Variants in PCARE observed in about 807,000 individuals in gnomAD.
The protein encoded by PCARE is photoreceptor cilium actin regulator, also known as uncharacterized protein C2orf71.
In PCARE, 72 loss-of-function variants were observed where a neutral mutation model predicts 82.2. The observed-to-expected ratio is 0.88, with a 90% CI of 0.72 to 1.07. The LOEUF (loss-of-function observed/expected upper bound fraction) is 1.07, where lower values mean the gene tolerates loss of function less well. Ranked by LOEUF, PCARE falls within the 50% of genes least tolerant of loss-of-function variation. The pLI, the probability that PCARE is intolerant of heterozygous loss-of-function variation, is 0.00. For missense variants in PCARE, 1,768 were observed against 1,592.4 expected, an observed-to-expected ratio of 1.11 and a Z score of -1.88; for synonymous variants, 705 against 634.8, an observed-to-expected ratio of 1.11 and a Z score of -1.66.
rs990621363 is a variant in PCARE at position 29,074,022 on chromosome 2, A to T, written c.240T>A (p.Asp80Glu). ...TAKGLCQLMG[D>E]PASGKRKDME... is the part of the protein sequence containing the mutation. ...TATCTTTCCTTTTGCCTGAAGCAGGATCTCCCATGAGCTGACAAAGACCTT... is the reference window on the plus strand; with the variant it reads ...TATCTTTCCTTTTGCCTGAAGCAGGTTCTCCCATGAGCTGACAAAGACCTT... The change falls in exon 1 of 2, where the codon GAT becomes GAA. Residue 80 changes from aspartate (D) to glutamate (E), a missense_variant. Asp to Glu is a conservative substitution (Grantham distance 45, BLOSUM62 2). Coordinates refer to ENST00000331664, the MANE Select transcript of PCARE (RefSeq NM_001029883.3). The T allele has an allele frequency of 2.5e-6, 4 of 1,614,008 alleles. No homozygotes were observed. The African/African-American group carries it at 4.0e-5, about 16-fold the overall frequency.
Position 29,073,075 on chromosome 2 carries a change from G to C in PCARE, c.1187C>G (p.Thr396Ser), listed in dbSNP as rs1011014294. 3 of 1,614,096 alleles carry C rather than the reference G, an allele frequency of 1.9e-6. No individual in the cohort carries two copies. Among genetic ancestry groups the C allele is most frequent in the Non-Finnish European group, 2.5e-6 (3 of 1,179,992 alleles). ...CAAACAGAATGGACTTTGCTGCCAGGTGTGTCCTGACTGCCTGGCCTCTGT... is the reference window on the plus strand; with the variant it reads ...CAAACAGAATGGACTTTGCTGCCAGCTGTGTCCTGACTGCCTGGCCTCTGT... ...PHTEARQSGH[T>S]WQQSPFCLGS... The change falls in exon 1 of 2, where the codon ACC becomes AGC. Residue 396 changes from threonine to serine, a missense_variant. Transcript: ENST00000331664.
At position 29,065,085 on chromosome 2, in the gene PCARE, A is replaced by C. The variant is rs1002307414; in HGVS notation, c.3669-18T>G. Reference sequence around the variant, plus strand: ...CGCTGCTGCTGCCGAGAGAAAGGACAAGTGCAGGTCAGACACTCCTCCTCT... The same window carrying C: ...CGCTGCTGCTGCCGAGAGAAAGGACCAGTGCAGGTCAGACACTCCTCCTCT... On this transcript the variant is annotated intron_variant, in intron 1 of 1. Transcript: ENST00000331664. 1.3e-6 allele frequency: 2 copies of C among 1,548,498 alleles called. No individual in the cohort carries two copies. The highest frequency in any genetic ancestry group is 3.9e-5 in the Admixed American group (2 of 50,992).
intron 1 of PCARE, among the ~76,000 whole-genome samples, chr2:29,070,046 G>A (rs1452285200): frequency 6.6e-6 from 1 of 152,160 alleles, no homozygotes; most frequent in Admixed American, 6.5e-5. Context: ...TGTAAAACAT[G>A]GGGTGTGTGG....
chr2:29,073,529 G>T lies in PCARE; in HGVS notation c.733C>A (p.Gln245Lys). The T allele has an allele frequency of 6.2e-7, 1 of 1,614,146 alleles. No homozygotes were observed. Among genetic ancestry groups the T allele is most frequent in the Non-Finnish European group, 8.5e-7 (1 of 1,180,022 alleles). Residue 245 changes from glutamine to lysine, a missense_variant, in exon 1 of 2, where the codon CAG (glutamine) becomes AAG (lysine). Physicochemically the swap from Gln to Lys is moderately conservative, Grantham distance 53. Coordinates refer to ENST00000331664, the MANE Select transcript of PCARE (RefSeq NM_001029883.3). ...CAAGCCAGATCCTCCCTGACTTCCT[G>T]CAGGAGCACTTCTCCATCCTTGGAG... ...EISKDGEVLL[Q>K]EVREDLAWPL...
In PCARE at chr2:29,070,491, A is replaced by C. The variant is rs575625464; in HGVS notation, c.3668+103T>G. 1.7e-4 allele frequency: 251 copies of C among 1,500,168 alleles called. No individual in the cohort carries two copies. The African/African-American group carries it at 3.0e-3, about 18-fold the overall frequency. 92.9% of individuals were successfully genotyped at this position (1,500,168 alleles called of 1,614,324 possible). Reference sequence around the variant, plus strand: ...TCCCAACTGCCTCTTCTCTTGGAGCACAGTTTGAAAACTACTGAGACCCAG... The same window carrying C: ...TCCCAACTGCCTCTTCTCTTGGAGCCCAGTTTGAAAACTACTGAGACCCAG... On this transcript the variant is annotated intron_variant, in intron 1 of 1. Transcript: ENST00000331664.
Position 29,073,141 on chromosome 2 carries a change from G to T in PCARE, c.1121C>A (p.Ala374Glu), listed in dbSNP as rs368965009. 1 of 1,614,010 alleles carries T rather than the reference G, an allele frequency of 6.2e-7. No homozygotes were observed. The highest frequency in any genetic ancestry group is 1.3e-5 in the African/African-American group (1 of 74,908). The change falls in exon 1 of 2, where the codon GCA becomes GAA. Residue 374 changes from alanine (A) to glutamate (E), a missense_variant. By Grantham distance (107) the Ala-to-Glu change is moderately radical (BLOSUM62 -1). Coordinates refer to ENST00000331664, the MANE Select transcript of PCARE (RefSeq NM_001029883.3). ...CGACTTCCATTCTTCGGGCTCTGGT[G>T]CAAGGTCCCAGCTGGTTTGCTTGCC... Reference protein sequence around the residue: ...KLGKQTSWDLAPEPEEWKSVT... With the variant: ...KLGKQTSWDLEPEPEEWKSVT...
chr2:29,070,995 T>TG lies in PCARE; in HGVS notation c.3266dup (p.Ser1090IlefsTer17), dbSNP rs138020654. On this transcript the variant is annotated frameshift_variant, in exon 1 of 2. Coordinates refer to ENST00000331664, the MANE Select transcript of PCARE (RefSeq NM_001029883.3). LOFTEE classifies it high-confidence loss of function. ...CCTGAGAAGGGGACATTGGGGGTGATGGGGAGGGAATCGAGAAAGGGGGGC... is the reference window on the plus strand; with the variant it reads ...CCTGAGAAGGGGACATTGGGGGTGATGGGGGAGGGAATCGAGAAAGGGGGGC... 5 of 1,228,874 alleles carry TG rather than the reference T, an allele frequency of 4.1e-6. No individual in the cohort carries two copies. The African/African-American group carries it at 9.9e-5, about 24-fold the overall frequency. The allele number at this position is 1,228,874 out of a possible 1,614,324, so 76.1% of individuals were successfully genotyped here.
Position 29,072,857 on chromosome 2 carries a change from G to A in PCARE, c.1405C>T (p.Leu469Phe), listed in dbSNP as rs1667516977. 1.9e-6 allele frequency: 3 copies of A among 1,614,194 alleles called. No homozygotes were observed. The East Asian group carries it at 6.7e-5, about 36-fold the overall frequency. ...TCCATCGGCCTGGAGGTTTTGGAAA[G>A]GTGTGGTTCCACAGAGACCCCAATC... ...FGIGVSVEPHLSKTSRPMDAS... is the reference protein window; with the variant it reads ...FGIGVSVEPHFSKTSRPMDAS... The change falls in exon 1 of 2, where the codon CTT becomes TTT. Residue 469 changes from leucine to phenylalanine, a missense_variant. Coordinates refer to ENST00000331664, the MANE Select transcript of PCARE (RefSeq NM_001029883.3).
chr2:29,071,771 G>A lies in PCARE; in HGVS notation c.2491C>T (p.Pro831Ser). Residue 831 changes from proline (P) to serine (S), a missense_variant, in exon 1 of 2, where the codon CCT becomes TCT. Transcript: ENST00000331664. The stretch of plus-strand genomic sequence containing the variant: ...ATCAGAACTTCCATAGGCGGTGGAG[G>A]GAGGTGCTCGAGGTTCCCCTCCATT... ...CEMEGNLEHLPPPPMEVLMDK... is the reference protein window; with the variant it reads ...CEMEGNLEHLSPPPMEVLMDK... The A allele has an allele frequency of 6.2e-7, 1 of 1,613,564 alleles. No individual in the cohort carries two copies. The highest frequency in any genetic ancestry group is 8.5e-7 in the Non-Finnish European group (1 of 1,179,536).
Position 29,072,113 on chromosome 2 carries a change from C to T in PCARE, c.2149G>A (p.Ala717Thr). 6.2e-7 allele frequency: 1 copy of T among 1,614,224 alleles called. No homozygotes were observed. The highest frequency in any genetic ancestry group is 8.5e-7 in the Non-Finnish European group (1 of 1,180,040). ...PSGEVSEAAK[A>T]TDWNVRGCPT... ...CAGCCTCTGACATTCCAGTCTGTGGCCTTGGCAGCCTCACTGACCTCTCCT... is the reference window on the plus strand; with the variant it reads ...CAGCCTCTGACATTCCAGTCTGTGGTCTTGGCAGCCTCACTGACCTCTCCT... The change falls in exon 1 of 2, where the codon GCC becomes ACC. Residue 717 changes from alanine (A) to threonine (T), a missense_variant. Transcript: ENST00000331664.
rs559044487 is a variant in PCARE, at chr2:29,066,004, C to T, written c.3669-937G>A. 4.6e-5 allele frequency among the ~76,000 whole-genome samples: 7 copies of T among 152,108 alleles called. No individual in the cohort carries two copies. In the East Asian group the frequency reaches 7.8e-4, roughly 17 times the overall value. On this transcript the variant is annotated intron_variant, in intron 1 of 1. Transcript: ENST00000331664. Reference sequence around the variant, plus strand: ...TCTACTAAAAATAGCAAAAATTAGCCGGGCATAGTGGTGGACACCTGTAAT... The same window carrying T: ...TCTACTAAAAATAGCAAAAATTAGCTGGGCATAGTGGTGGACACCTGTAAT...
Position 29,073,510 on chromosome 2 carries a change from A to G in PCARE, c.752T>C (p.Leu251Pro), listed in dbSNP as rs747050528. ...CTCTCTTTTCTTCAAAGGCCAAGCCAGATCCTCCCTGACTTCCTGCAGGAG... is the reference window on the plus strand; with the variant it reads ...CTCTCTTTTCTTCAAAGGCCAAGCCGGATCCTCCCTGACTTCCTGCAGGAG... Reference protein sequence around the residue: ...EVLLQEVREDLAWPLKKREPQ... With the variant: ...EVLLQEVREDPAWPLKKREPQ... Residue 251 changes from leucine (L) to proline (P), a missense_variant, in exon 1 of 2, where the codon CTG (leucine) becomes CCG (proline). Transcript: ENST00000331664. 14 of 1,614,086 alleles carry G rather than the reference A, an allele frequency of 8.7e-6. No individual in the cohort carries two copies. The highest frequency in any genetic ancestry group is 4.0e-5 in the African/African-American group (3 of 74,936).
At position 29,072,583 on chromosome 2, in the gene PCARE, CCACAGGG is replaced by C; in HGVS notation, c.1672_1678del (p.Pro558GlyfsTer22). On this transcript the variant is annotated frameshift_variant, in exon 1 of 2. Transcript: ENST00000331664. LOFTEE classifies it high-confidence loss of function. ...CTCCTCCTCAGACCAGTCCTGGTGC[CCACAGGG>C]CACAGGGACAAACTTGATCCTTTCG... The C allele has an allele frequency of 6.2e-7, 1 of 1,614,128 alleles. No individual in the cohort carries two copies. The highest frequency in any genetic ancestry group is 8.5e-7 in the Non-Finnish European group (1 of 1,180,026).
chr2:29,066,524 GCT>G (rs1667392213), intron 1 of PCARE, among the ~76,000 whole-genome samples: 1 of 152,236 alleles, frequency 6.6e-6, no homozygotes, highest in Non-Finnish European at 1.5e-5. Context: ...AATGTGCTCA[GCT>G]CTGTGAGGTC....
chr2:29,069,635 A>T (rs1257368521), intron 1 of PCARE, among the ~76,000 whole-genome samples: 1 of 152,194 alleles, frequency 6.6e-6, no homozygotes. Context: ...CCCTTGTGAC[A>T]CAAGTTTACC....
Position 29,064,843 on chromosome 2 carries a change from G to C in PCARE, c.*26C>G, listed in dbSNP as rs376559125. On this transcript the variant is annotated 3_prime_UTR_variant, in exon 2 of 2. Transcript: ENST00000331664. ...ACACTTGGCCTTCTGGGGTGACTGC[G>C]TGAGTGTGGCCCCCTCGTCAGCCTG... The C allele has an allele frequency of 1.9e-6, 3 of 1,608,584 alleles. No homozygotes were observed. Among genetic ancestry groups the C allele is most frequent in the Non-Finnish European group, 2.5e-6 (3 of 1,179,836 alleles).
In PCARE at chr2:29,064,898, C is replaced by T. The variant is rs1283456916; in HGVS notation, c.3838G>A (p.Ala1280Thr). 2 of 1,611,858 alleles carry T rather than the reference C, an allele frequency of 1.2e-6. No homozygotes were observed. The highest frequency in any genetic ancestry group is 4.5e-5 in the East Asian group (2 of 44,898). ...GHIQDKSQPE[A>T]QPQQEEVS ...GACACCTCCTCTTGCTGGGGCTGCGCCTCTGGCTGGGATTTGTCCTGGATG... is the reference window on the plus strand; with the variant it reads ...GACACCTCCTCTTGCTGGGGCTGCGTCTCTGGCTGGGATTTGTCCTGGATG... Residue 1280 changes from alanine (A) to threonine (T), a missense_variant, in exon 2 of 2, where the codon GCG becomes ACG. Physicochemically the swap from Ala to Thr is moderately conservative, Grantham distance 58. Coordinates refer to ENST00000331664, the MANE Select transcript of PCARE (RefSeq NM_001029883.3).
At chr2:29,069,948 G>A (rs186855665) in intron 1 of PCARE, among the ~76,000 whole-genome samples, 44 of 152,244 alleles carry the variant, frequency 2.9e-4, no homozygotes, top group African/African-American at 1.0e-3. Flanking sequence ...CGGGGAACCA[G>A]AAACATGGGG....
Position 29,072,910 on chromosome 2 carries a change from C to T in PCARE, c.1352G>A (p.Gly451Glu), listed in dbSNP as rs1372842373. 1.2e-6 allele frequency: 2 copies of T among 1,614,072 alleles called. No homozygotes were observed. Among genetic ancestry groups the T allele is most frequent in the Non-Finnish European group, 8.5e-7 (1 of 1,180,010 alleles). ...AAAGGAATCACATGGGGTGCTTGTC[C>T]CCAGCTTCAAAGGTGGGGAGGTGAT... Reference protein sequence around the residue: ...ENITSPPLKLGTSTPCDSFGI... With the variant: ...ENITSPPLKLETSTPCDSFGI... Residue 451 changes from glycine (G) to glutamate (E), a missense_variant, in exon 1 of 2, where the codon GGG (glycine) becomes GAG (glutamate). By Grantham distance (98) the Gly-to-Glu change is moderately conservative (BLOSUM62 -2). Coordinates refer to ENST00000331664, the MANE Select transcript of PCARE (RefSeq NM_001029883.3).
Sources: gnomAD v4.1 joint callset for allele counts (sites outside exome capture counted in the v4.1 genomes callset) on GRCh38, gnomAD v4.1.1 for gene constraint, MANE v1.5 for transcripts, NCBI Gene and HGNC (gene_info 2026-07-23, HGNC 2026-07-21) for gene names.